The following CEP152 variants were observed in gnomAD, a reference collection of about 807,000 sequenced individuals.
The protein encoded by CEP152 is centrosomal protein 152, also known as centrosomal protein of 152 kDa.
Under a neutral mutation model 188.9 loss-of-function variants are expected in CEP152, and 132 were observed. The ratio of observed to expected loss-of-function variants is 0.70; its 90% CI spans 0.61 to 0.81. The LOEUF (loss-of-function observed/expected upper bound fraction) is 0.81, where lower values mean the gene tolerates loss of function less well. Ranked by LOEUF, CEP152 falls within the 30% of genes least tolerant of loss-of-function variation. CEP152 has a pLI of 0.00. For missense variants in CEP152, 1,914 were observed against 1,969.8 expected (o/e 0.97, Z 0.54); for synonymous variants, 649 against 666.6 (o/e 0.97, Z 0.41).
In CEP152 at chr15:48,744,363, T is replaced by A. The variant is rs777753015; in HGVS notation, c.3732-20A>T. 3 of 1,613,640 alleles carry A rather than the reference T, an allele frequency of 1.9e-6. 1 individual carries two copies. Among genetic ancestry groups the A allele is most frequent in the Non-Finnish European group, 2.5e-6 (3 of 1,179,854 alleles). On this transcript the variant is annotated intron_variant, in intron 23 of 26. Coordinates refer to ENST00000380950, the MANE Select transcript of CEP152 (RefSeq NM_001194998.2). ...AATGACCTAAAAAACAAACCAAAGA[T>A]TACAAAAACAGAAATGGTAAGTGAA...
intron 17 of CEP152, among the ~76,000 whole-genome samples, chr15:48,766,421 G>T (rs1180861042): frequency 6.6e-6 from 1 of 152,192 alleles, no homozygotes; most frequent in Non-Finnish European, 1.5e-5. Context: ...AAAAGAGGAG[G>T]TGTGACTGTT....
At chr15:48,730,727 TA>T (rs1188512171) in intron 2 of CEP152, among the ~76,000 whole-genome samples, 2 of 152,242 alleles carry the variant, frequency 1.3e-5, no homozygotes, top group African/African-American at 4.8e-5. Flanking sequence ...AGAAATCCCC[TA>T]AAATGACCAG....
rs767972677 is a variant in CEP152, at chr15:48,798,045, G to T, written c.94C>A (p.Gln32Lys). 4.3e-6 allele frequency: 7 copies of T among 1,613,380 alleles called. No homozygotes were observed. Among genetic ancestry groups the T allele is most frequent in the Non-Finnish European group, 5.1e-6 (6 of 1,179,450 alleles). ...TCATGGGGAAGGTCTGTGAGTAACT[G>T]CTGCAACTGAGTCAAAAGGTCTGCA... ...EDYEREKELQ[Q>K]LLTDLPHDML... The change falls in exon 3 of 27, where the codon CAG becomes AAG. Residue 32 changes from glutamine to lysine, a missense_variant. By Grantham distance (53) the Gln-to-Lys change is moderately conservative (BLOSUM62 1). Transcript: ENST00000380950.
chr15:48,775,400 C>T (rs578227405), intron 12 of CEP152, among the ~76,000 whole-genome samples: 3 of 151,990 alleles, frequency 2.0e-5, no homozygotes, highest in Non-Finnish European at 4.4e-5. Context: ...ATTCTTAAAG[C>T]AGCAAAAGAA....
At chr15:48,798,074 A>T (rs1318579836) in intron 2 of CEP152, 23 bp from the exon 3 acceptor site, 1 of 1,590,634 alleles carries the variant, frequency 6.3e-7, no homozygotes, top group South Asian at 1.1e-5. Context: ...GTCTGCATCA[A>T]TATCATACCA....
Position 48,756,174 on chromosome 15 carries a change from C to G in CEP152, c.3074G>C (p.Arg1025Thr). 6.2e-7 allele frequency: 1 copy of G among 1,614,060 alleles called. No homozygotes were observed. Among genetic ancestry groups the G allele is most frequent in the Non-Finnish European group, 8.5e-7 (1 of 1,179,984 alleles). The change falls in exon 20 of 27, where the codon AGA (arginine) becomes ACA (threonine). Residue 1025 changes from arginine (R) to threonine (T), a missense_variant. Coordinates refer to ENST00000380950, the MANE Select transcript of CEP152 (RefSeq NM_001194998.2). ...ELQTCLDQSRREWTMQEAKRI... is the reference protein window; with the variant it reads ...ELQTCLDQSRTEWTMQEAKRI... The stretch of plus-strand genomic sequence containing the variant: ...CTTGGCTTCCTGCATAGTCCATTCT[C>G]TACGACTCTGGTCTAGACAAGTTTG...
intron 21 of CEP152, among the ~76,000 whole-genome samples, chr15:48,749,289 C>T (rs1337711956): frequency 6.6e-6 from 1 of 151,838 alleles, no homozygotes; most frequent in African/African-American, 2.4e-5. Flanking sequence ...TTAGTGCCAA[C>T]TGGGATAAAT....
At position 48,739,006 on chromosome 15, in the gene CEP152, T is replaced by C. The variant is rs747401375; in HGVS notation, c.4376A>G (p.Asn1459Ser). ...ACAAGGAACAAACTCAGGAGAAACA[T>C]TCCTTGGCAAACTGTTTAGGTGCTT... ...SCKHLNSLPR[N>S]VSPEFVPCEG... is the part of the protein sequence containing the mutation. Residue 1459 changes from asparagine (N) to serine (S), a missense_variant, in exon 27 of 27, where the codon AAT (asparagine) becomes AGT (serine). By Grantham distance (46) the Asn-to-Ser change is conservative. Transcript: ENST00000380950. 1 of 1,614,066 alleles carries C rather than the reference T, an allele frequency of 6.2e-7. No individual in the cohort carries two copies. The highest frequency in any genetic ancestry group is 1.1e-5 in the South Asian group (1 of 91,072).
At position 48,798,088 on chromosome 15, in the gene CEP152, T is replaced by G; in HGVS notation, c.88-37A>C. On this transcript the variant is annotated intron_variant, in intron 2 of 26. Transcript: ENST00000380950. ...GGTCTGCATCAATATCATACCAACT[T>G]AAACACAAGACACCAAGCCAAAGCT... is the stretch of plus-strand genomic sequence containing the variant. The G allele has an allele frequency of 1.9e-6, 3 of 1,555,238 alleles. No homozygotes were observed. In the South Asian group the frequency reaches 3.4e-5, roughly 17 times the overall value.
At position 48,796,149 on chromosome 15, in the gene CEP152, A is replaced by G. The variant is rs556179981; in HGVS notation, c.552T>C (p.Cys184=). ...CTTTATTATACGGTTCCAAACCTTG[A>G]CAACTGGGACCCTGTGATAACAAAT... The part of the protein sequence containing the change: ...PQWNHFQGPS[C]QGLEPYNKVT... Residue 184 remains cysteine, a synonymous_variant, in exon 6 of 27, where the codon TGT becomes TGC. Coordinates refer to ENST00000380950, the MANE Select transcript of CEP152 (RefSeq NM_001194998.2). 1 of 1,613,732 alleles carries G rather than the reference A, an allele frequency of 6.2e-7. No individual in the cohort carries two copies. Among genetic ancestry groups the G allele is most frequent in the African/African-American group, 1.3e-5 (1 of 75,018 alleles).
At chr15:48,802,299 C>A (rs1473430356) in intron 2 of CEP152, among the ~76,000 whole-genome samples, 1 of 152,158 alleles carries the variant, frequency 6.6e-6, no homozygotes, top group Non-Finnish European at 1.5e-5. Context: ...ACAAGTATTA[C>A]CAGCAGCTCT....
intron 12 of CEP152, among the ~76,000 whole-genome samples, chr15:48,779,009 T>C (rs1254033007): frequency 3.3e-5 from 5 of 150,958 alleles, no homozygotes; most frequent in Admixed American, 3.3e-4. Context: ...AAATAGAAAG[T>C]GTAAAGGTAG....
Position 48,772,484 on chromosome 15 carries a change from T to C in CEP152, c.1782+3A>G. On this transcript the variant is annotated splice_donor_region_variant and intron_variant, in intron 13 of 26. Coordinates refer to ENST00000380950, the MANE Select transcript of CEP152 (RefSeq NM_001194998.2). ...GTTTTTTAACTCTATAGGCTTTACA[T>C]ACCTCAACCTCAATGCTTTTTTCAT... 1 of 1,610,266 alleles carries C rather than the reference T, an allele frequency of 6.2e-7. No individual in the cohort carries two copies. The highest frequency in any genetic ancestry group is 8.5e-7 in the Non-Finnish European group (1 of 1,178,884).
chr15:48,780,988 C>T (rs1334863543), intron 12 of CEP152, among the ~76,000 whole-genome samples: 2 of 152,154 alleles, frequency 1.3e-5, no homozygotes, highest in Non-Finnish European at 2.9e-5. Context: ...GACAGAATCT[C>T]TACTTTAAAA....
chr15:48,760,710 G>A (rs1465768302), intron 18 of CEP152, among the ~76,000 whole-genome samples: 1 of 152,076 alleles, frequency 6.6e-6, no homozygotes, highest in East Asian at 1.9e-4. Flanking sequence ...CCCTACACCT[G>A]CGAACTTTCC....
At chr15:48,735,065 TTC>T (rs1892550725), downstream of CEP152, among the ~76,000 whole-genome samples, 1 of 152,196 alleles carries the variant, frequency 6.6e-6, no homozygotes, top group Admixed American at 6.5e-5. Flanking sequence ...AGAATATACA[TTC>T]TTTTCAGGTG....
At chr15:48,743,144 C>T (rs945733038) in intron 24 of CEP152, among the ~76,000 whole-genome samples, 16 of 152,212 alleles carry the variant, frequency 1.1e-4, no homozygotes, top group African/African-American at 2.9e-4. Flanking sequence ...CAAAAAGTTG[C>T]GTTGCTTGTA....
intron 6 of CEP152, among the ~76,000 whole-genome samples, chr15:48,795,275 C>T (rs770678228): frequency 2.0e-5 from 3 of 151,330 alleles, no homozygotes; most frequent in Non-Finnish European, 4.4e-5. Context: ...ACATACTATA[C>T]AAAAAAAACT....
Position 48,748,462 on chromosome 15 carries a change from A to G in CEP152, c.3615T>C (p.Ala1205=), listed in dbSNP as rs1440769177. Residue 1205 remains alanine (A), a synonymous_variant, in exon 22 of 27, where the codon GCT becomes GCC. Coordinates refer to ENST00000380950, the MANE Select transcript of CEP152 (RefSeq NM_001194998.2). ...HLQHLERKHK[A]VVEKIGEENN... ...GCTAACCTCCAATTTTTTCCACTAC[A>G]GCTTTGTGCTTCCTTTCTAAATGCT... The G allele has an allele frequency of 6.5e-7, 1 of 1,532,500 alleles. No individual in the cohort carries two copies. The allele number at this position is 1,532,500 out of a possible 1,614,324, so 94.9% of individuals were successfully genotyped here.
Sources: allele counts gnomAD v4.1 joint callset (sites outside exome capture counted in the v4.1 genomes callset), GRCh38; gene constraint gnomAD v4.1.1; transcripts MANE v1.5; gene names NCBI Gene and HGNC (gene_info 2026-07-23, HGNC 2026-07-21).